The following RNLS variants were observed in gnomAD, a reference collection of about 807,000 sequenced individuals.
RNLS encodes renalase, FAD dependent amine oxidase.
A neutral mutation model predicts 39.8 loss-of-function variants in RNLS; 39 were observed. That is an observed-to-expected ratio of 0.98 (90% CI 0.76 to 1.28). RNLS has a LOEUF of 1.28. Among genes scored for constraint, RNLS ranks in the 50% most tolerant of loss-of-function variants. RNLS has a pLI of 0.00. For missense variants in RNLS, 410 were observed against 413.3 expected (o/e 0.99, Z 0.07); for synonymous variants, 147 against 150.7 (o/e 0.98, Z 0.18).
At chr10:88,524,225 G>A (rs1300873076) in intron 4 of RNLS, among the ~76,000 whole-genome samples, 2 of 151,930 alleles carry the variant, frequency 1.3e-5, no homozygotes, top group African/African-American at 4.8e-5. Flanking sequence ...ATCCTGTTCT[G>A]TAACAGCAAT....
rs188375098 is a variant in RNLS at position 88,336,413 on chromosome 10, C to A, written c.701-21772G>T. On this transcript the variant is annotated intron_variant, in intron 5 of 6. Coordinates refer to ENST00000331772, the MANE Select transcript of RNLS (RefSeq NM_001031709.3). The stretch of plus-strand genomic sequence containing the variant: ...TAAGTTTGGATTTCTTATGTTTAAA[C>A]AAGACACACAGACATCCTCTAAACA... 1.6e-4 allele frequency among the ~76,000 whole-genome samples: 25 copies of A among 152,290 alleles called. 1 individual carries two copies. Among genetic ancestry groups the A allele is most frequent in the Admixed American group, 1.5e-3 (23 of 15,294 alleles).
chr10:88,300,035 G>A (rs1351226663), intron 6 of RNLS, among the ~76,000 whole-genome samples: 2 of 152,172 alleles, frequency 1.3e-5, no homozygotes, highest in Admixed American at 6.5e-5. Context: ...GAGAAAGCCA[G>A]AACTCAAAAA....
chr10:88,327,131 C>T (rs1255912708), intron 5 of RNLS, among the ~76,000 whole-genome samples: 1 of 152,022 alleles, frequency 6.6e-6, no homozygotes, highest in Non-Finnish European at 1.5e-5. Context: ...TCAGATGAAA[C>T]TTTGGACTTG....
At chr10:88,572,154 G>C (rs543618395) in intron 4 of RNLS, among the ~76,000 whole-genome samples, 1 of 152,128 alleles carries the variant, frequency 6.6e-6, no homozygotes, top group Admixed American at 6.5e-5. Flanking sequence ...AACTAGGAAA[G>C]ATATAAGCAT....
intron 4 of RNLS, among the ~76,000 whole-genome samples, chr10:88,513,852 AT>A (rs1846275184): frequency 6.6e-6 from 1 of 152,176 alleles, no homozygotes; most frequent in Non-Finnish European, 1.5e-5. Context: ...CCTTTATAAC[AT>A]ACTATCATCA....
chr10:88,380,133 A>G (rs886079308), intron 4 of RNLS, among the ~76,000 whole-genome samples: 2 of 152,140 alleles, frequency 1.3e-5, no homozygotes, highest in Non-Finnish European at 2.9e-5. Context: ...GAGGTTGATT[A>G]TCTTTTCATG....
the RNLS span, among the ~76,000 whole-genome samples, chr10:88,203,419 T>C: frequency 4.9e-5 from 5 of 102,878 alleles, no homozygotes; most frequent in African/African-American, 1.2e-4. Flanking sequence ...TATACACGTA[T>C]GTGTATATAT....
At chr10:88,447,310 CAA>C (rs1362092868) in intron 4 of RNLS, among the ~76,000 whole-genome samples, 24 of 152,212 alleles carry the variant, frequency 1.6e-4, no homozygotes, top group African/African-American at 5.3e-4. Flanking sequence ...GCAACTTCAG[CAA>C]AGTCTCAGGA....
At chr10:88,429,900 T>G (rs542514425) in intron 4 of RNLS, among the ~76,000 whole-genome samples, 12 of 152,008 alleles carry the variant, frequency 7.9e-5, no homozygotes, top group South Asian at 6.2e-4. Flanking sequence ...TCTATCTGTA[T>G]GCCAATACCA....
At chr10:88,193,221 A>T in the RNLS span, among the ~76,000 whole-genome samples, 1 of 152,226 alleles carries the variant, frequency 6.6e-6, no homozygotes, top group East Asian at 1.9e-4. Flanking sequence ...GAAGAAGGGG[A>T]AAGGTGCAGC....
intron 4 of RNLS, among the ~76,000 whole-genome samples, chr10:88,555,811 T>TC (rs1848843794): frequency 6.6e-6 from 1 of 152,150 alleles, no homozygotes; most frequent in Admixed American, 6.6e-5. Context: ...TGTTTGGTTT[T>TC]CCCCCTCACT....
At chr10:88,278,146 T>C (rs959389232) in intron 6 of RNLS, among the ~76,000 whole-genome samples, 1 of 152,174 alleles carries the variant, frequency 6.6e-6, no homozygotes, top group African/African-American at 2.4e-5. Flanking sequence ...TCCTATAATA[T>C]AGAGCTAATT....
At chr10:88,316,861 T>C (rs1362193481) in intron 5 of RNLS, among the ~76,000 whole-genome samples, 4 of 152,170 alleles carry the variant, frequency 2.6e-5, no homozygotes, top group African/African-American at 9.7e-5. Flanking sequence ...CTGAAAACAG[T>C]AAGTTTTGGG....
chr10:88,181,361 C>T, the RNLS span, among the ~76,000 whole-genome samples: 1 of 152,010 alleles, frequency 6.6e-6, no homozygotes, highest in Non-Finnish European at 1.5e-5. Flanking sequence ...ATGCAGCTCC[C>T]CTGACACCTT....
the RNLS span, chr10:88,259,254 CCTAT>C: frequency 6.6e-6 from 1 of 152,180 alleles, no homozygotes; most frequent in Non-Finnish European, 1.5e-5. Flanking sequence ...GATTCTCACT[CCTAT>C]CTGAGTGAGG....
At position 88,468,880 on chromosome 10, in the gene RNLS, G is replaced by GT. The variant is rs1022510583; in HGVS notation, c.526+104022dup. On this transcript the variant is annotated intron_variant, in intron 4 of 6. Transcript: ENST00000331772. ...CTTGATGCAGAATGTGCAACACAGA[G>GT]TTTTTTTAACATAGCATAAACTGGG... Among the ~76,000 whole-genome samples, 96 of 152,224 alleles carry GT rather than the reference G, an allele frequency of 6.3e-4. 1 individual carries two copies. Among genetic ancestry groups the GT allele is most frequent in the Non-Finnish European group, 2.8e-4 (19 of 68,014 alleles).
chr10:88,471,034 A>G (rs1376157956), intron 4 of RNLS, among the ~76,000 whole-genome samples: 2 of 152,098 alleles, frequency 1.3e-5, no homozygotes, highest in East Asian at 1.9e-4. Context: ...AGTCATATAT[A>G]TCTTAGCCCT....
At chr10:88,332,367 C>A (rs369232189) in intron 5 of RNLS, among the ~76,000 whole-genome samples, 2 of 152,232 alleles carry the variant, frequency 1.3e-5, no homozygotes, top group African/African-American at 4.8e-5. Context: ...ATGGGCCATG[C>A]GGAGAAAAGA....
chr10:88,409,718 T>C (rs906782019), intron 4 of RNLS, among the ~76,000 whole-genome samples: 17 of 152,154 alleles, frequency 1.1e-4, no homozygotes, highest in African/African-American at 3.4e-4. Context: ...CATTAGTTGT[T>C]GGAAAAAATT....
Sources: allele counts gnomAD v4.1 joint callset (sites outside exome capture counted in the v4.1 genomes callset), GRCh38; gene constraint gnomAD v4.1.1; transcripts MANE v1.5; gene names NCBI Gene and HGNC (gene_info 2026-07-23, HGNC 2026-07-21).